Variants in ACAN observed in about 807,000 individuals in gnomAD.
The protein encoded by ACAN is aggrecan.
ACAN carries 47 observed loss-of-function variants against 169.1 expected under a neutral mutation model. The observed-to-expected ratio is 0.28, with a 90% confidence interval of 0.22 to 0.35. The LOEUF is 0.35. ACAN is among the 10% of genes least tolerant of loss of function. The pLI is 1.00. For synonymous variants in ACAN, 1,115 were observed against 1,112.2 expected, an observed-to-expected ratio of 1.00 and a Z score of -0.05; for missense variants, 2,716 against 2,759.9, an observed-to-expected ratio of 0.98 and a Z score of 0.36.
At position 88,872,749 on chromosome 15, in the gene ACAN, T is replaced by C; in HGVS notation, c.7303-132T>C. 8.6e-7 allele frequency: 1 copy of C among 1,162,046 alleles called. No individual in the cohort carries two copies. The highest frequency in any genetic ancestry group is 1.2e-6 in the Non-Finnish European group (1 of 830,830). The allele number at this position is 1,162,046 out of a possible 1,614,324, so 72.0% of individuals were successfully genotyped here. ...AGATTCCCAGCAGTTTTTGTGCTGC[T>C]ATCAGATGAGCCTGAAGTTGGTGCT... On this transcript the variant is annotated intron_variant, in intron 16 of 18. Transcript: ENST00000560601. The surrounding 1 kb of genome is among the most constrained non-coding windows in gnomAD (Gnocchi z 5.4).
chr15:88,864,267 A>T (rs558419442), intron 13 of ACAN, among the ~76,000 whole-genome samples: 1 of 152,144 alleles, frequency 6.6e-6, no homozygotes, highest in South Asian at 2.1e-4. Flanking sequence ...AGCATATGTT[A>T]TAACCTTTTT....
Position 88,838,306 on chromosome 15 carries a change from TG to T in ACAN, c.71-354del, listed in dbSNP as rs967279199. Among the ~76,000 whole-genome samples the T allele has an allele frequency of 3.9e-5, 6 of 152,172 alleles. No homozygotes were observed. The highest frequency in any genetic ancestry group is 1.4e-4 in the African/African-American group (6 of 41,436). Reference sequence around the variant, plus strand: ...GAGTTAAGCTGTCACTCCAAGGAGATGGGTCCTGTTTTATTCCACGCTTTGG... The same window carrying T: ...GAGTTAAGCTGTCACTCCAAGGAGATGGTCCTGTTTTATTCCACGCTTTGG... On this transcript the variant is annotated intron_variant, in intron 2 of 18. Coordinates refer to ENST00000560601, the MANE Select transcript of ACAN (RefSeq NM_001369268.1). The surrounding 1 kb of genome is among the most constrained non-coding windows in gnomAD (Gnocchi z 5.1).
rs35061438 is a variant in ACAN at position 88,858,758 on chromosome 15, C to T, written c.6173C>T (p.Pro2058Leu). 8,553 of 1,613,846 alleles carry T rather than the reference C, an allele frequency of 5.3e-3. 386 individuals carry two copies. The African/African-American group carries it at 0.1, about 19-fold the overall frequency. Residue 2058 changes from proline (P) to leucine (L), a missense_variant, in exon 12 of 19, where the codon CCC becomes CTC. Pro to Leu is a moderately conservative substitution (Grantham distance 98). This residue lies in a region of ACAN where 1,389 missense variants were observed against 1,363.7 expected (regional missense o/e 1.02). Coordinates refer to ENST00000560601, the MANE Select transcript of ACAN (RefSeq NM_001369268.1). The surrounding 1 kb of genome is among the most constrained non-coding windows in gnomAD (Gnocchi z 4.0). ...PTISQELGQRPPVTHTPQLFE... is the reference protein window; with the variant it reads ...PTISQELGQRLPVTHTPQLFE... ...ATTTCTCAGGAACTAGGCCAAAGGC[C>T]CCCTGTGACACACACACCCCAGCTT...
intron 11 of ACAN, 129 bp downstream of exon 11, chr15:88,852,162 G>A: frequency 7.2e-7 from 1 of 1,385,496 alleles, no homozygotes; most frequent in Non-Finnish European, 9.6e-7. Context: ...GACACTGGCT[G>A]GGTGTTCTGC....
intron 11 of ACAN, 82 bp downstream of exon 11, chr15:88,852,115 G>T (rs1275386143): frequency 3.3e-6 from 5 of 1,498,952 alleles, no homozygotes; most frequent in East Asian, 4.9e-5. Context: ...GGGCGGGGGG[G>T]TTCCCTCCCT....
intron 1 of ACAN, among the ~76,000 whole-genome samples, chr15:88,811,262 CA>C (rs1301332922): frequency 6.6e-6 from 1 of 152,210 alleles, no homozygotes. Flanking sequence ...CCAAGTTTTT[CA>C]AACTGAATTT....
rs778706501 is a variant in ACAN at position 88,859,038 on chromosome 15, C to T, written c.6453C>T (p.Gly2151=). Residue 2151 remains glycine, a synonymous_variant, in exon 12 of 19, where the codon GGC becomes GGT. Transcript: ENST00000560601. ...GATCCTCTGGCCTAGGAGTGAGCGG[C>T]AGCACTTTGACATTTCAAGAAGGCG... ...LERSSGLGVS[G]STLTFQEGEA... 3.7e-6 allele frequency: 6 copies of T among 1,613,978 alleles called. No individual in the cohort carries two copies. The highest frequency in any genetic ancestry group is 5.1e-6 in the Non-Finnish European group (6 of 1,179,894).
chr15:88,845,990 G>A, intron 7 of ACAN, 108 bp downstream of exon 7: 1 of 1,232,744 alleles, frequency 8.1e-7, no homozygotes, highest in East Asian at 2.6e-5. Flanking sequence ...CCTGGCACGT[G>A]GGACAATGTT....
At position 88,869,760 on chromosome 15, in the gene ACAN, G is replaced by A. The variant is rs1351417742; in HGVS notation, c.7060+1431G>A. On this transcript the variant is annotated intron_variant, in intron 14 of 18. Transcript: ENST00000560601. This position sits in a 1 kb window ranked among gnomAD's most constrained non-coding sequence, Gnocchi z 4.2. ...GGGCCTGGGGGCCCAGCTAAGCAGG[G>A]CTGCATCTCCTCTCCCATTCCAATC... Among the ~76,000 whole-genome samples the A allele has an allele frequency of 5.9e-5, 9 of 152,106 alleles. No homozygotes were observed. Among genetic ancestry groups the A allele is most frequent in the African/African-American group, 2.2e-4 (9 of 41,424 alleles).
rs528160184 is a variant in ACAN at position 88,804,450 on chromosome 15, C to G, written c.-8+641C>G. Among the ~76,000 whole-genome samples, 14 of 152,276 alleles carry G rather than the reference C, an allele frequency of 9.2e-5. No individual in the cohort carries two copies. The South Asian group carries it at 2.9e-3, about 32-fold the overall frequency. ...TGGGACAGAGCTACTGAACTGCCAG[C>G]AGGGGAGAGGAGAGCAGTGCCCTGA... On this transcript the variant is annotated intron_variant, in intron 1 of 18. Coordinates refer to ENST00000560601, the MANE Select transcript of ACAN (RefSeq NM_001369268.1).
At chr15:88,862,247 T>C (rs1008784246) in intron 13 of ACAN, among the ~76,000 whole-genome samples, 1 of 152,146 alleles carries the variant, frequency 6.6e-6, no homozygotes, top group Admixed American at 6.5e-5. Context: ...CAGGGATCGA[T>C]GGTAATGGTT....
intron 1 of ACAN, among the ~76,000 whole-genome samples, chr15:88,833,699 TC>T (rs1203157048): frequency 6.7e-6 from 1 of 150,036 alleles, no homozygotes; most frequent in African/African-American, 2.5e-5. Flanking sequence ...AAAATTAGTT[TC>T]TCTGCCCACT....
intron 1 of ACAN, among the ~76,000 whole-genome samples, chr15:88,813,233 G>A (rs1399070235): frequency 2.6e-5 from 4 of 152,208 alleles, no homozygotes; most frequent in Non-Finnish European, 4.4e-5. Flanking sequence ...CAGAGTCCGC[G>A]GGGGTCAGTC....
rs1333119371 is a variant in ACAN, at chr15:88,851,846, A to G, written c.2079A>G (p.Ser693=). The change falls in exon 11 of 19, where the codon TCA becomes TCG. Residue 693 remains serine (S), a synonymous_variant. Coordinates refer to ENST00000560601, the MANE Select transcript of ACAN (RefSeq NM_001369268.1). The surrounding 1 kb of genome is among the most constrained non-coding windows in gnomAD (Gnocchi z 4.3). ...PGEEEGGTPT[S]PSGVEEWIVT... ...AAGAAGAGGGTGGCACACCCACATCACCCTCTGGTGTGGAGGAGTGGATCG... is the reference window on the plus strand; with the variant it reads ...AAGAAGAGGGTGGCACACCCACATCGCCCTCTGGTGTGGAGGAGTGGATCG... 1 of 1,610,830 alleles carries G rather than the reference A, an allele frequency of 6.2e-7. No individual in the cohort carries two copies. Among genetic ancestry groups the G allele is most frequent in the Non-Finnish European group, 8.5e-7 (1 of 1,178,664 alleles).
At position 88,851,601 on chromosome 15, in the gene ACAN, C is replaced by T. The variant is rs1896930869; in HGVS notation, c.2027-193C>T. 2 of 591,474 alleles carry T rather than the reference C, an allele frequency of 3.4e-6. No homozygotes were observed. Among genetic ancestry groups the T allele is most frequent in the Non-Finnish European group, 5.7e-6 (2 of 348,478 alleles). 36.6% of individuals were successfully genotyped at this position (591,474 alleles called of 1,614,324 possible). A position where few individuals can be genotyped will look rare whatever the true frequency, so the allele number is the denominator to read the frequency against. On this transcript the variant is annotated intron_variant, in intron 10 of 18. Coordinates refer to ENST00000560601, the MANE Select transcript of ACAN (RefSeq NM_001369268.1). This position sits in a 1 kb window ranked among gnomAD's most constrained non-coding sequence, Gnocchi z 4.3. ...GCCCCAGATCACTGGAACTAAAGTG[C>T]TGATGGTGCATATGGATATTATATC...
chr15:88,807,065 A>G lies in ACAN; in HGVS notation c.-8+3256A>G, dbSNP rs572278344. 1.1e-4 allele frequency among the ~76,000 whole-genome samples: 17 copies of G among 152,132 alleles called. No individual in the cohort carries two copies. In the East Asian group the frequency reaches 1.5e-3, roughly 14 times the overall value. On this transcript the variant is annotated intron_variant, in intron 1 of 18. Coordinates refer to ENST00000560601, the MANE Select transcript of ACAN (RefSeq NM_001369268.1). The surrounding 1 kb of genome is among the most constrained non-coding windows in gnomAD (Gnocchi z 4.0). Reference sequence around the variant, plus strand: ...TTTTTTTTTTACTATATTGGTCCCAATGATGTTTCTGTCTCAGAAATTTCA... The same window carrying G: ...TTTTTTTTTTACTATATTGGTCCCAGTGATGTTTCTGTCTCAGAAATTTCA...
At chr15:88,812,457 C>A (rs1366336773) in intron 1 of ACAN, among the ~76,000 whole-genome samples, 5 of 152,174 alleles carry the variant, frequency 3.3e-5, no homozygotes, top group South Asian at 4.1e-4. Flanking sequence ...AAAATCAAGC[C>A]CAATCCCTAG....
In ACAN at chr15:88,807,443, G is replaced by T. The variant is rs894614575; in HGVS notation, c.-8+3634G>T. On this transcript the variant is annotated intron_variant, in intron 1 of 18. Transcript: ENST00000560601. The surrounding 1 kb of genome is among the most constrained non-coding windows in gnomAD (Gnocchi z 4.0). ...GGAAGCCCCTTCAATGGGATGAAGG[G>T]CCCGTTTCTGTGACAGCTACTTTGG... is the stretch of plus-strand genomic sequence containing the variant. 6.6e-6 allele frequency among the ~76,000 whole-genome samples: 1 copy of T among 152,154 alleles called. No individual in the cohort carries two copies. The highest frequency in any genetic ancestry group is 1.5e-5 in the Non-Finnish European group (1 of 68,022).
rs74942004 is a variant in ACAN at position 88,865,469 on chromosome 15, G to A, written c.6947-2747G>A. Among the ~76,000 whole-genome samples, 421 of 151,524 alleles carry A rather than the reference G, an allele frequency of 2.8e-3. 1 individual carries two copies. The highest frequency in any genetic ancestry group is 4.6e-3 in the Non-Finnish European group (315 of 68,016). ...TGTTTTGTTTTTACATCTCAAACAT[G>A]TTAAAGAATTCACATGTTTTCTCAC... On this transcript the variant is annotated intron_variant, in intron 13 of 18. Coordinates refer to ENST00000560601, the MANE Select transcript of ACAN (RefSeq NM_001369268.1).
Sources: allele counts gnomAD v4.1 joint callset (sites outside exome capture counted in the v4.1 genomes callset), GRCh38; gene constraint gnomAD v4.1.1; regional missense constraint gnomAD v4.1.1; non-coding constraint Gnocchi (gnomAD v3.1); transcripts MANE v1.5; gene names NCBI Gene and HGNC (gene_info 2026-07-23, HGNC 2026-07-21).